The following CNTNAP2 variants were observed in gnomAD, a reference collection of about 807,000 sequenced individuals.
CNTNAP2 encodes contactin associated protein 2, also known as contactin-associated protein-like 2.
Under a neutral mutation model 155.2 loss-of-function variants are expected in CNTNAP2, and 98 were observed. The observed-to-expected ratio is 0.63, with a 90% CI of 0.54 to 0.75. The LOEUF is 0.75. CNTNAP2 is among the 30% of genes least tolerant of loss of function. CNTNAP2 has a pLI of 0.00. For missense variants in CNTNAP2, 1,727 were observed against 1,688.1 expected (o/e 1.02, Z -0.40); for synonymous variants, 651 against 631.2 (o/e 1.03, Z -0.47).
chr7:146,197,457 G>C (rs897779937), intron 1 of CNTNAP2, among the ~76,000 whole-genome samples: 6 of 152,100 alleles, frequency 3.9e-5, no homozygotes, highest in Non-Finnish European at 7.4e-5. Flanking sequence ...CAGTGTGACT[G>C]AAATTTAAAT....
intron 8 of CNTNAP2, among the ~76,000 whole-genome samples, chr7:147,272,255 A>G (rs982819705): frequency 6.6e-6 from 1 of 151,926 alleles, no homozygotes; most frequent in African/African-American, 2.4e-5. Flanking sequence ...ACAAACTTCT[A>G]CTCATCCTCT....
At chr7:146,725,703 A>T (rs1801419475) in intron 1 of CNTNAP2, among the ~76,000 whole-genome samples, 1 of 151,976 alleles carries the variant, frequency 6.6e-6, no homozygotes, top group Non-Finnish European at 1.5e-5. Context: ...CTGATGATGG[A>T]TGGCTCCACC....
At chr7:146,645,919 C>CCT (rs1263772202) in intron 1 of CNTNAP2, among the ~76,000 whole-genome samples, 1 of 152,040 alleles carries the variant, frequency 6.6e-6, no homozygotes, top group Non-Finnish European at 1.5e-5. Context: ...TTTCTTTTTT[C>CCT]CTGTGAGCTC....
intron 11 of CNTNAP2, among the ~76,000 whole-genome samples, chr7:147,514,981 A>G (rs374389344): frequency 1.3e-5 from 2 of 152,168 alleles, no homozygotes; most frequent in Admixed American, 1.3e-4. Context: ...CTCATGTTAA[A>G]AACAACAGCC....
chr7:147,293,550 C>T lies in CNTNAP2; in HGVS notation c.1349-6591C>T, dbSNP rs149755149. On this transcript the variant is annotated intron_variant, in intron 8 of 23. Transcript: ENST00000361727. ...AATTCATATTCTAGGAAATTTTGCT[C>T]TCAAGATTGAATATTGATCACAAGA... 2.2e-3 allele frequency among the ~76,000 whole-genome samples: 338 copies of T among 152,244 alleles called. 3 individuals carry two copies. Among genetic ancestry groups the T allele is most frequent in the African/African-American group, 7.5e-3 (310 of 41,554 alleles).
chr7:147,384,089 T>C (rs544061919), intron 9 of CNTNAP2, among the ~76,000 whole-genome samples: 1 of 152,102 alleles, frequency 6.6e-6, no homozygotes, highest in East Asian at 1.9e-4. Flanking sequence ...AAAGTACAAG[T>C]GAGAAAAATA....
intron 8 of CNTNAP2, among the ~76,000 whole-genome samples, chr7:147,219,111 G>A (rs567553143): frequency 1.2e-4 from 18 of 152,254 alleles, no homozygotes; most frequent in South Asian, 4.1e-4. Context: ...GAGGGTGAGA[G>A]AGCAAGAAGG....
At chr7:148,195,933 A>G (rs539894281) in intron 18 of CNTNAP2, among the ~76,000 whole-genome samples, 1 of 152,354 alleles carries the variant, frequency 6.6e-6, no homozygotes, top group African/African-American at 2.4e-5. Flanking sequence ...ACGCATCCTT[A>G]CAAATGCATT....
At chr7:147,106,641 A>C (rs1800772052) in intron 4 of CNTNAP2, among the ~76,000 whole-genome samples, 1 of 152,192 alleles carries the variant, frequency 6.6e-6, no homozygotes, top group Non-Finnish European at 1.5e-5. Context: ...TAAATATTTG[A>C]GATACTAGCA....
chr7:146,630,864 C>A (rs1053340080), intron 1 of CNTNAP2, among the ~76,000 whole-genome samples: 1 of 151,938 alleles, frequency 6.6e-6, no homozygotes, highest in East Asian at 1.9e-4. Context: ...ATGTGAAAGA[C>A]CTCTTCAAGG....
intron 21 of CNTNAP2, among the ~76,000 whole-genome samples, chr7:148,374,842 A>G (rs1273118220): frequency 1.3e-5 from 2 of 152,322 alleles, no homozygotes; most frequent in Non-Finnish European, 2.9e-5. Flanking sequence ...GCTTCAATTT[A>G]CTGGGATTCG....
chr7:148,282,685 A>G (rs766637105), intron 21 of CNTNAP2, among the ~76,000 whole-genome samples: 1 of 152,198 alleles, frequency 6.6e-6, no homozygotes, highest in Non-Finnish European at 1.5e-5. Context: ...TTGAAAACCA[A>G]TTGGTATCAT....
chr7:147,372,451 CTAAGTT>C (rs1281372180), intron 9 of CNTNAP2, among the ~76,000 whole-genome samples: 6 of 152,012 alleles, frequency 3.9e-5, no homozygotes, highest in Non-Finnish European at 5.9e-5. Context: ...CATTGCTTTC[CTAAGTT>C]TAAGTTGGTA....
At chr7:148,189,015 A>G (rs1211095450) in intron 18 of CNTNAP2, among the ~76,000 whole-genome samples, 1 of 152,094 alleles carries the variant, frequency 6.6e-6, no homozygotes, top group Non-Finnish European at 1.5e-5. Flanking sequence ...AATATTTTAC[A>G]TTATTTATTG....
At chr7:147,893,914 G>A (rs1277600643) in intron 13 of CNTNAP2, among the ~76,000 whole-genome samples, 1 of 152,132 alleles carries the variant, frequency 6.6e-6, no homozygotes, top group Non-Finnish European at 1.5e-5. Context: ...TGGGGGAGGG[G>A]TTCCCATCAG....
rs1798762728 is a variant in CNTNAP2, at chr7:148,366,105, CATGTATGCATGTATGT to C, written c.3476-17543_3476-17528del. 1.7e-4 allele frequency among the ~76,000 whole-genome samples: 4 copies of C among 23,078 alleles called. 2 individuals are homozygous for C. The highest frequency in any genetic ancestry group is 4.0e-4 in the African/African-American group (4 of 9,878). 15.1% of individuals were successfully genotyped at this position (23,078 alleles called of 152,430 possible). ...GTGCATGTATACATGTATGTGTATG[CATGTATGCATGTATGT>C]GTATGCATGTATGCATGTATGTGTA... On this transcript the variant is annotated intron_variant, in intron 21 of 23. Coordinates refer to ENST00000361727, the MANE Select transcript of CNTNAP2 (RefSeq NM_014141.6).
At chr7:147,464,660 A>G (rs1798083443) in intron 10 of CNTNAP2, among the ~76,000 whole-genome samples, 1 of 152,150 alleles carries the variant, frequency 6.6e-6, no homozygotes, top group Admixed American at 6.6e-5. Context: ...ACTCCATTTC[A>G]GTGGTTTGAA....
At chr7:147,771,328 A>G (rs1797465332) in intron 13 of CNTNAP2, among the ~76,000 whole-genome samples, 2 of 152,228 alleles carry the variant, frequency 1.3e-5, no homozygotes, top group African/African-American at 2.4e-5. Flanking sequence ...TCATAAGGAA[A>G]AGAACTGAAG....
chr7:148,410,017 A>C (rs370492623), intron 23 of CNTNAP2, among the ~76,000 whole-genome samples: 1 of 36,950 alleles, frequency 2.7e-5, no homozygotes, highest in African/African-American at 1.5e-4. Context: ...TGCCACTGCA[A>C]TCCGGCCTGG....
Sources: allele counts gnomAD v4.1 joint callset (sites outside exome capture counted in the v4.1 genomes callset), GRCh38; gene constraint gnomAD v4.1.1; transcripts MANE v1.5; gene names NCBI Gene and HGNC (gene_info 2026-07-23, HGNC 2026-07-21).